AGBL4: variants seen among roughly 807,000 people sequenced by gnomAD.
AGBL4 encodes AGBL carboxypeptidase 4.
A neutral mutation model predicts 66.4 loss-of-function variants in AGBL4; 58 were observed. The observed-to-expected ratio is 0.87, with a 90% CI of 0.71 to 1.09. AGBL4 has a LOEUF of 1.09. Ranked by LOEUF, AGBL4 falls within the 50% of genes least tolerant of loss-of-function variation. The pLI is 0.00. For synonymous variants in AGBL4, 234 were observed against 222.9 expected, an observed-to-expected ratio of 1.05 and a Z score of -0.44; for missense variants, 579 against 631.0, an observed-to-expected ratio of 0.92 and a Z score of 0.88.
intron 4 of AGBL4, among the ~76,000 whole-genome samples, chr1:49,184,591 AG>A (rs1264258289): frequency 2.0e-5 from 3 of 152,182 alleles, no homozygotes; most frequent in African/African-American, 7.2e-5. Context: ...GATACTAATT[AG>A]GGCAAAGATG....
At chr1:49,863,143 C>G (rs1646615533) in intron 1 of AGBL4, among the ~76,000 whole-genome samples, 1 of 152,092 alleles carries the variant, frequency 6.6e-6, no homozygotes, top group Admixed American at 6.5e-5. Flanking sequence ...AACACATGTA[C>G]AGTGAACCCA....
chr1:49,571,319 A>C (rs1183001081), intron 3 of AGBL4, among the ~76,000 whole-genome samples: 2 of 151,750 alleles, frequency 1.3e-5, no homozygotes, highest in Non-Finnish European at 2.9e-5. Flanking sequence ...GCTTAGATGG[A>C]TTCCTAGGTA....
intron 11 of AGBL4, among the ~76,000 whole-genome samples, chr1:48,551,233 A>G (rs1462067749): frequency 2.0e-5 from 3 of 152,208 alleles, no homozygotes; most frequent in Admixed American, 1.3e-4. Context: ...CCAGGTTTAA[A>G]GTCCAAAAAG....
chr1:49,645,641 T>A lies in AGBL4; in HGVS notation c.282+51672A>T, dbSNP rs1387106452. 2.0e-5 allele frequency among the ~76,000 whole-genome samples: 3 copies of A among 151,258 alleles called. No individual in the cohort carries two copies. The South Asian group carries it at 6.2e-4, about 31-fold the overall frequency. On this transcript the variant is annotated intron_variant, in intron 3 of 13. Transcript: ENST00000371839. ...AAGAAAAAAGTTAGTATCAAATTTATAAAATCTCTTTTTAAAAATGGTCTT... is the reference window on the plus strand; with the variant it reads ...AAGAAAAAAGTTAGTATCAAATTTAAAAAATCTCTTTTTAAAAATGGTCTT...
intron 5 of AGBL4, among the ~76,000 whole-genome samples, chr1:48,921,891 C>A (rs1363447775): frequency 6.6e-6 from 1 of 152,090 alleles, no homozygotes; most frequent in Non-Finnish European, 1.5e-5. Flanking sequence ...CCTTATAAGT[C>A]AAGTAGATGT....
intron 4 of AGBL4, among the ~76,000 whole-genome samples, chr1:49,143,369 G>A (rs761612245): frequency 6.6e-6 from 1 of 152,154 alleles, no homozygotes; most frequent in Non-Finnish European, 1.5e-5. Flanking sequence ...GGGTCTTCTT[G>A]ATACCCCATG....
intron 1 of AGBL4, among the ~76,000 whole-genome samples, chr1:49,950,043 C>T (rs12728323): frequency 0.96 from 134,772 of 139,748 alleles, 64,983 homozygotes; most frequent in Non-Finnish European, 0.99. Flanking sequence ...TATATATATA[C>T]ACATATGTGT....
intron 5 of AGBL4, among the ~76,000 whole-genome samples, chr1:49,025,278 T>G (rs1663567713): frequency 6.6e-6 from 1 of 152,166 alleles, no homozygotes; most frequent in South Asian, 2.1e-4. Context: ...CAACTAAACT[T>G]GTCCCACTAA....
At chr1:49,193,813 G>T (rs745897474) in intron 4 of AGBL4, among the ~76,000 whole-genome samples, 1 of 152,086 alleles carries the variant, frequency 6.6e-6, no homozygotes, top group Admixed American at 6.6e-5. Flanking sequence ...GATTACAGGC[G>T]TGAGCCACCG....
intron 3 of AGBL4, among the ~76,000 whole-genome samples, chr1:49,563,776 T>C (rs1252335720): frequency 6.6e-6 from 1 of 152,100 alleles, no homozygotes; most frequent in Non-Finnish European, 1.5e-5. Flanking sequence ...TTCTCTTTTT[T>C]TGTTGTGTCT....
chr1:49,874,699 A>C (rs1646931750), intron 1 of AGBL4, among the ~76,000 whole-genome samples: 3 of 152,108 alleles, frequency 2.0e-5, no homozygotes, highest in Non-Finnish European at 4.4e-5. Flanking sequence ...TCTACATCTT[A>C]ATTTATCATT....
intron 1 of AGBL4, among the ~76,000 whole-genome samples, chr1:50,013,092 CG>C (rs933055761): frequency 5.3e-5 from 8 of 152,052 alleles, no homozygotes; most frequent in African/African-American, 1.9e-4. Flanking sequence ...GAAACTCTAT[CG>C]AATTAAAGAT....
chr1:49,450,686 A>G lies in AGBL4; in HGVS notation c.283-204822T>C, dbSNP rs76092426. On this transcript the variant is annotated intron_variant, in intron 3 of 13. Transcript: ENST00000371839. ...TAGTCTAATTTGGCTGCCACCATAA[A>G]GTGAAAATATTTGGCTCAATTCTTT... is the stretch of plus-strand genomic sequence containing the variant. Among the ~76,000 whole-genome samples the G allele has an allele frequency of 8.0e-3, 1,217 of 152,220 alleles. 16 individuals are homozygous for G. The highest frequency in any genetic ancestry group is 0.013 in the Non-Finnish European group (897 of 67,998).
chr1:49,737,941 T>A (rs887336988), intron 2 of AGBL4, among the ~76,000 whole-genome samples: 1 of 152,216 alleles, frequency 6.6e-6, no homozygotes, highest in Non-Finnish European at 1.5e-5. Flanking sequence ...GGTACCGGGT[T>A]CATCTCACTA....
intron 2 of AGBL4, among the ~76,000 whole-genome samples, chr1:49,746,708 A>G (rs1027281451): frequency 1.2e-4 from 18 of 152,050 alleles, no homozygotes; most frequent in Non-Finnish European, 2.2e-4. Flanking sequence ...TACAATCCTT[A>G]TATATCTTAT....
intron 3 of AGBL4, among the ~76,000 whole-genome samples, chr1:49,471,573 T>A (rs562441891): frequency 2.0e-5 from 3 of 151,852 alleles, no homozygotes; most frequent in African/African-American, 7.2e-5. Context: ...GGTGGTCAGT[T>A]CCATGGGTTT....
intron 3 of AGBL4, among the ~76,000 whole-genome samples, chr1:49,249,196 T>C (rs1202195795): frequency 6.6e-6 from 1 of 152,182 alleles, no homozygotes; most frequent in African/African-American, 2.4e-5. Flanking sequence ...TTAATATTGT[T>C]CACGTTAGTT....
intron 1 of AGBL4, among the ~76,000 whole-genome samples, chr1:49,918,375 T>G (rs887817796): frequency 2.6e-5 from 4 of 152,006 alleles, no homozygotes; most frequent in Admixed American, 2.0e-4. Flanking sequence ...AAGAATCAAA[T>G]AGACGCAACA....
chr1:48,621,442 G>A (rs928532845), intron 9 of AGBL4, among the ~76,000 whole-genome samples: 7 of 152,032 alleles, frequency 4.6e-5, no homozygotes, highest in Non-Finnish European at 8.8e-5. Flanking sequence ...GGGTGGCTAG[G>A]TCCCCTCCTC....
Sources: allele counts gnomAD v4.1 joint callset (sites outside exome capture counted in the v4.1 genomes callset), GRCh38; gene constraint gnomAD v4.1.1; transcripts MANE v1.5; gene names NCBI Gene and HGNC (gene_info 2026-07-23, HGNC 2026-07-21).